PHGR1: variants seen among roughly 807,000 people sequenced by gnomAD.
The protein encoded by PHGR1 is proline, histidine and glycine rich 1.
In PHGR1, 3 loss-of-function variants were observed where a neutral mutation model predicts 4.9. That is an observed-to-expected ratio of 0.61 (90% confidence interval 0.28 to 1.58). PHGR1 has a LOEUF of 1.58. Among genes scored for constraint, PHGR1 ranks in the 40% most tolerant of loss-of-function variants. The pLI is 0.11. For synonymous variants in PHGR1, 32 were observed against 46.1 expected, an observed-to-expected ratio of 0.69 and a Z score of 1.24; for missense variants, 81 against 118.7, an observed-to-expected ratio of 0.68 and a Z score of 1.48.
chr15:40,351,312 T>C (rs1889204312), intron 1 of PHGR1, among the ~76,000 whole-genome samples: 1 of 152,216 alleles, frequency 6.6e-6, no homozygotes, highest in Non-Finnish European at 1.5e-5. Flanking sequence ...CAGCAGGGCT[T>C]AGCTGAGAGT....
chr15:40,356,301 T>C lies in PHGR1; in HGVS notation c.247T>C (p.Ter83ArgextTer13). Residue 83 changes from the stop codon to arginine (R), a stop_lost, in exon 4 of 4, where the codon TGA becomes CGA. Transcript: ENST00000448599. ...TCACCCACCCCCTGGTCCACATCACTGAGGAAGTAGAAGAAAACAGGACAC... is the reference window on the plus strand; with the variant it reads ...TCACCCACCCCCTGGTCCACATCACCGAGGAAGTAGAAGAAAACAGGACAC... ...PGHPPPGPHH[*>R] 2 of 1,548,516 alleles carry C rather than the reference T, an allele frequency of 1.3e-6. No homozygotes were observed. The highest frequency in any genetic ancestry group is 2.4e-5 in the South Asian group (2 of 84,014).
At position 40,356,052 on chromosome 15, in the gene PHGR1, T is replaced by G. The variant is rs756538531; in HGVS notation, c.19-21T>G. The G allele has an allele frequency of 2.4e-4, 365 of 1,547,864 alleles. 2 individuals carry two copies. The highest frequency in any genetic ancestry group is 2.3e-4 in the South Asian group (19 of 84,022). On this transcript the variant is annotated intron_variant, in intron 3 of 3. Transcript: ENST00000448599. ...TAGCCCTGACCTCTGACTCTGACAT[T>G]GTTCATTTGACTTTCCACAGGGGCA...
At chr15:40,351,232 ACTC>A (rs765071354) in intron 1 of PHGR1, among the ~76,000 whole-genome samples, 170 bp downstream of exon 1, 1 of 150,510 alleles carries the variant, frequency 6.6e-6, no homozygotes, top group Non-Finnish European at 1.5e-5. Flanking sequence ...CACTGTCCCC[ACTC>A]CTGGGCTGGG....
intron 1 of PHGR1, among the ~76,000 whole-genome samples, chr15:40,352,344 T>C (rs1889216835): frequency 6.6e-6 from 1 of 152,166 alleles, no homozygotes; most frequent in African/African-American, 2.4e-5. Flanking sequence ...CAGAAAGCCC[T>C]GATGTCAAGT....
chr15:40,353,961 G>A (rs62017979), intron 2 of PHGR1, among the ~76,000 whole-genome samples: 31,177 of 152,152 alleles, frequency 0.2, 3,662 homozygotes, highest in Non-Finnish European at 0.27. Flanking sequence ...AGGACAGATG[G>A]GGAGGTTGGC....
At chr15:40,354,505 G>C (rs1455912229) in intron 3 of PHGR1, among the ~76,000 whole-genome samples, 153 bp downstream of exon 3, 1 of 152,092 alleles carries the variant, frequency 6.6e-6, no homozygotes, top group Non-Finnish European at 1.5e-5. Flanking sequence ...GTGGAGTGGG[G>C]GTGGGGTGGG....
At chr15:40,353,376 G>A (rs750455947) in intron 2 of PHGR1, 109 bp downstream of exon 2, 37 of 1,384,952 alleles carry the variant, frequency 2.7e-5, no homozygotes, top group South Asian at 1.4e-4. Context: ...AAAAATGTAC[G>A]TGCGTGTGTG....
intron 3 of PHGR1, among the ~76,000 whole-genome samples, chr15:40,355,539 C>T (rs1444463064): frequency 2.0e-5 from 3 of 152,140 alleles, no homozygotes; most frequent in East Asian, 3.8e-4. Context: ...TTGCCACCTC[C>T]TACCCTCCGT....
In PHGR1 at chr15:40,351,638, G is replaced by A. The variant is rs529679680; in HGVS notation, c.-27+576G>A. On this transcript the variant is annotated intron_variant, in intron 1 of 3. Coordinates refer to ENST00000448599, the MANE Select transcript of PHGR1 (RefSeq NM_001145643.2). ...AATGGGTAGCTCAAGAGGTGCAGGGGGCCGGGTGCAGTGGCTCATGCCTGA... is the reference window on the plus strand; with the variant it reads ...AATGGGTAGCTCAAGAGGTGCAGGGAGCCGGGTGCAGTGGCTCATGCCTGA... Among the ~76,000 whole-genome samples the A allele has an allele frequency of 2.0e-5, 3 of 152,312 alleles. No individual in the cohort carries two copies. The East Asian group carries it at 5.8e-4, about 29-fold the overall frequency.
intron 1 of PHGR1, 36 bp from the exon 2 acceptor site, chr15:40,353,196 G>C (rs1889236440): frequency 3.3e-6 from 5 of 1,531,042 alleles, no homozygotes; most frequent in Non-Finnish European, 4.4e-6. Context: ...CTGCAATTTA[G>C]ATTACAGTAA....
intron 1 of PHGR1, among the ~76,000 whole-genome samples, chr15:40,352,202 A>G (rs1889215152): frequency 6.6e-6 from 1 of 152,162 alleles, no homozygotes; most frequent in Admixed American, 6.5e-5. Context: ...GACTGTCTCA[A>G]AAAAACTTTT....
At chr15:40,354,018 G>A (rs1889250054) in intron 2 of PHGR1, among the ~76,000 whole-genome samples, 1 of 152,136 alleles carries the variant, frequency 6.6e-6, no homozygotes, top group Non-Finnish European at 1.5e-5. Context: ...TGGATGACAG[G>A]GTTGGCCACC....
chr15:40,353,161 A>C, intron 1 of PHGR1, 71 bp from the exon 2 acceptor site: 4 of 1,326,874 alleles, frequency 3.0e-6, no homozygotes, highest in African/African-American at 1.6e-5. Flanking sequence ...GCGCGCGCGC[A>C]TCCGTGGGAG....
chr15:40,351,115 G>A (rs145116468), intron 1 of PHGR1, 53 bp downstream of exon 1: 1,895 of 152,538 alleles, frequency 0.012, 15 homozygotes, highest in Non-Finnish European at 0.019. Context: ...GTCTCTGTGG[G>A]GTATGTTGTG....
intron 1 of PHGR1, among the ~76,000 whole-genome samples, chr15:40,352,557 G>T (rs954985407): frequency 6.6e-6 from 1 of 152,122 alleles, no homozygotes; most frequent in African/African-American, 2.4e-5. Context: ...AGTTGGCTCA[G>T]ACTCCAAGCT....
At chr15:40,354,459 A>G (rs192237106) in intron 3 of PHGR1, 107 bp downstream of exon 3, 9 of 1,335,614 alleles carry the variant, frequency 6.7e-6, no homozygotes, top group African/African-American at 3.0e-5. Flanking sequence ...ACTTCCCCCA[A>G]ATGAAAAGAA....
intron 3 of PHGR1, 35 bp from the exon 4 acceptor site, chr15:40,356,031 CCTGACCT>C: frequency 6.5e-7 from 1 of 1,531,884 alleles, no homozygotes; most frequent in Non-Finnish European, 8.8e-7. Flanking sequence ...TAAGCTTAGC[CCTGACCT>C]CTGACTCTGA....
chr15:40,356,353 C>A lies in PHGR1; in HGVS notation c.*50C>A. The A allele has an allele frequency of 6.5e-7, 1 of 1,549,552 alleles. No individual in the cohort carries two copies. On this transcript the variant is annotated 3_prime_UTR_variant, in exon 4 of 4. Coordinates refer to ENST00000448599, the MANE Select transcript of PHGR1 (RefSeq NM_001145643.2). ...AGATGGCAAGCCTGAGAGAATTGCCCAGCTGACCTGGAATGAGGCCTAAAC... is the reference window on the plus strand; with the variant it reads ...AGATGGCAAGCCTGAGAGAATTGCCAAGCTGACCTGGAATGAGGCCTAAAC...
At chr15:40,353,449 G>A (rs1385055305) in intron 2 of PHGR1, 182 bp downstream of exon 2, 1 of 731,400 alleles carries the variant, frequency 1.4e-6, no homozygotes. Context: ...TGTAGAACAT[G>A]TTACAGTTTA....
Sources: allele counts gnomAD v4.1 joint callset (sites outside exome capture counted in the v4.1 genomes callset), GRCh38; gene constraint gnomAD v4.1.1; transcripts MANE v1.5; gene names NCBI Gene and HGNC (gene_info 2026-07-23, HGNC 2026-07-21).